Variants in ERC2 observed in about 807,000 individuals in gnomAD.
The protein encoded by ERC2 is ERC protein 2.
A neutral mutation model predicts 114.8 loss-of-function variants in ERC2; 42 were observed. The ratio of observed to expected loss-of-function variants is 0.37; its 90% CI spans 0.29 to 0.47. The LOEUF (loss-of-function observed/expected upper bound fraction) is 0.47. ERC2 is among the 20% of genes least tolerant of loss of function. The probability of loss-of-function intolerance (pLI) is 0.99; values close to 1 mark genes in which losing one functional copy is unlikely to be tolerated. For missense variants in ERC2, 939 were observed against 1,150.7 expected (o/e 0.82, Z 2.66); for synonymous variants, 454 against 425.5 (o/e 1.07, Z -0.82).
chr3:56,202,553 T>A (rs1356957253), intron 3 of ERC2, among the ~76,000 whole-genome samples: 1 of 149,462 alleles, frequency 6.7e-6, no homozygotes, highest in Admixed American at 6.8e-5. Context: ...TTTATGGGGG[T>A]ATAAATGACC....
intron 7 of ERC2, among the ~76,000 whole-genome samples, chr3:56,034,611 A>T (rs1576645599): frequency 6.6e-6 from 1 of 152,208 alleles, no homozygotes; most frequent in East Asian, 1.9e-4. Context: ...AAATTTAAGA[A>T]GATTGAAATC....
At chr3:55,599,253 C>T (rs1224065651) in intron 17 of ERC2, among the ~76,000 whole-genome samples, 1 of 152,172 alleles carries the variant, frequency 6.6e-6, no homozygotes, top group Non-Finnish European at 1.5e-5. Context: ...GAGCCTGATT[C>T]CTGACTGTAA....
intron 2 of ERC2, among the ~76,000 whole-genome samples, chr3:56,389,285 G>A (rs2060045614): frequency 6.6e-6 from 1 of 152,172 alleles, no homozygotes; most frequent in South Asian, 2.1e-4. Flanking sequence ...TGAGGCATGA[G>A]TCAGACTTCA....
At chr3:55,675,884 CTTTCTTTCTCT>C in intron 17 of ERC2, among the ~76,000 whole-genome samples, 1 of 88,480 alleles carries the variant, frequency 1.1e-5, no homozygotes. Flanking sequence ...CCCTTTCCAT[CTTTCTTTCTCT>C]TTTCTTTCTT....
chr3:56,281,104 T>G (rs1314795189), intron 3 of ERC2, among the ~76,000 whole-genome samples: 1 of 152,234 alleles, frequency 6.6e-6, no homozygotes, highest in East Asian at 1.9e-4. Context: ...AGTCATTTTC[T>G]AAATGTATCG....
Position 55,920,885 on chromosome 3 carries a change from C to T in ERC2, c.2403+29540G>A, listed in dbSNP as rs13089196. On this transcript the variant is annotated intron_variant, in intron 13 of 17. Coordinates refer to ENST00000288221, the MANE Select transcript of ERC2 (RefSeq NM_015576.3). ...AACCCTATGAGGTTATCCCATTTGA[C>T]CACAGAAGAACAGAGGGGCAGAGTG... Among the ~76,000 whole-genome samples the T allele has an allele frequency of 3.8e-3, 574 of 152,164 alleles. 9 individuals are homozygous for T. Among genetic ancestry groups the T allele is most frequent in the Non-Finnish European group, 1.5e-3 (104 of 67,992 alleles).
intron 3 of ERC2, among the ~76,000 whole-genome samples, chr3:56,176,915 G>GATCA: frequency 6.6e-6 from 1 of 152,256 alleles, no homozygotes; most frequent in Middle Eastern, 3.4e-3. Flanking sequence ...TGAGCAACGC[G>GATCA]ATCAACTTTC....
rs116112798 is a variant in ERC2, at chr3:55,810,853, C to T, written c.2565-75935G>A. Among the ~76,000 whole-genome samples, 448 of 152,328 alleles carry T rather than the reference C, an allele frequency of 2.9e-3. 4 individuals carry two copies. Among genetic ancestry groups the T allele is most frequent in the African/African-American group, 0.01 (426 of 41,566 alleles). ...AAATAAGAGATGTCTCTCCTTCCCT[C>T]TAGTATCATAAATGATTCTTTAATA... On this transcript the variant is annotated intron_variant, in intron 14 of 17. Transcript: ENST00000288221.
At chr3:56,458,104 A>C (rs917277744) in intron 1 of ERC2, among the ~76,000 whole-genome samples, 12 of 152,240 alleles carry the variant, frequency 7.9e-5, no homozygotes, top group African/African-American at 2.4e-5. Flanking sequence ...ACGACTACAT[A>C]ACAGAATGGC....
chr3:56,110,096 T>A (rs2078880387), intron 6 of ERC2, among the ~76,000 whole-genome samples: 1 of 152,274 alleles, frequency 6.6e-6, no homozygotes, highest in Non-Finnish European at 1.5e-5. Context: ...AAACAAAGCA[T>A]GGAAATATAT....
At chr3:55,921,694 G>T (rs1170148002) in intron 13 of ERC2, among the ~76,000 whole-genome samples, 1 of 152,050 alleles carries the variant, frequency 6.6e-6, no homozygotes, top group African/African-American at 2.4e-5. Context: ...TACTAGTTTT[G>T]TATTAATAGG....
rs75431195 is a variant in ERC2, at chr3:55,958,720, G to A, written c.2268-8160C>T. On this transcript the variant is annotated intron_variant, in intron 12 of 17. Coordinates refer to ENST00000288221, the MANE Select transcript of ERC2 (RefSeq NM_015576.3). ...AGTGTCAGTGCTGCCCTGAGCATGC[G>A]CGCACCTGGCCAGGTTGCAGCAGCG... Among the ~76,000 whole-genome samples the A allele has an allele frequency of 3.5e-3, 530 of 152,338 alleles. 8 individuals are homozygous for A. The highest frequency in any genetic ancestry group is 0.016 in the East Asian group (84 of 5,172).
intron 7 of ERC2, among the ~76,000 whole-genome samples, chr3:56,048,292 G>A (rs1379520804): frequency 6.6e-6 from 1 of 152,170 alleles, no homozygotes; most frequent in African/African-American, 2.4e-5. Flanking sequence ...GATTGAATCT[G>A]CGTAACAAGT....
At chr3:56,450,534 A>T (rs923653) in intron 1 of ERC2, among the ~76,000 whole-genome samples, 53,704 of 152,154 alleles carry the variant, frequency 0.35, 9,679 homozygotes, top group Middle Eastern at 0.43. Flanking sequence ...AGTTAAAAAT[A>T]TAGCAAAACA....
intron 17 of ERC2, among the ~76,000 whole-genome samples, chr3:55,593,111 A>T (rs562414296): frequency 5.3e-5 from 8 of 152,314 alleles, no homozygotes; most frequent in Admixed American, 5.2e-4. Flanking sequence ...AACTAACTAG[A>T]CTTGGGACTA....
chr3:55,994,121 A>G (rs1288272286), intron 10 of ERC2, among the ~76,000 whole-genome samples: 1 of 152,290 alleles, frequency 6.6e-6, no homozygotes, highest in East Asian at 1.9e-4. Flanking sequence ...CTGTATTACC[A>G]TTCTTTTACA....
intron 17 of ERC2, among the ~76,000 whole-genome samples, chr3:55,578,899 G>T (rs1043680008): frequency 1.3e-5 from 2 of 152,178 alleles, no homozygotes; most frequent in African/African-American, 4.8e-5. Context: ...GCTAGCCTAG[G>T]CTTGTTTTCA....
chr3:56,146,711 A>G (rs2081159145), intron 5 of ERC2, among the ~76,000 whole-genome samples: 1 of 152,158 alleles, frequency 6.6e-6, no homozygotes, highest in African/African-American at 2.4e-5. Flanking sequence ...TTTATAGAAG[A>G]ATGTGTGGTC....
At chr3:55,917,303 A>T (rs2065156053) in intron 13 of ERC2, among the ~76,000 whole-genome samples, 3 of 152,208 alleles carry the variant, frequency 2.0e-5, no homozygotes, top group Admixed American at 1.3e-4. Flanking sequence ...TCATAGCAAC[A>T]TTCCTTATAA....
Sources: allele counts gnomAD v4.1 joint callset (sites outside exome capture counted in the v4.1 genomes callset), GRCh38; gene constraint gnomAD v4.1.1; transcripts MANE v1.5; gene names NCBI Gene and HGNC (gene_info 2026-07-23, HGNC 2026-07-21).